Variants in ZNF208 observed in about 807,000 individuals in gnomAD.
The protein encoded by ZNF208 is zinc finger protein 95.
A neutral mutation model predicts 12.1 loss-of-function variants in ZNF208; 10 were observed. The ratio of observed to expected loss-of-function variants is 0.83; its 90% CI spans 0.51 to 1.40. The LOEUF (loss-of-function observed/expected upper bound fraction) is 1.40. Ranked by LOEUF, ZNF208 falls within the 40% of genes most tolerant of loss-of-function variation. The probability of loss-of-function intolerance (pLI) is 0.00; values close to 1 mark genes in which losing one functional copy is unlikely to be tolerated. For missense variants in ZNF208, 1,652 were observed against 1,485.0 expected (o/e 1.11, Z -1.85); for synonymous variants, 497 against 488.4 (o/e 1.02, Z -0.23).
At chr19:21,996,465 T>A (rs1196160372) in intron 1 of ZNF208, among the ~76,000 whole-genome samples, 1 of 152,192 alleles carries the variant, frequency 6.6e-6, no homozygotes, top group Non-Finnish European at 1.5e-5. Context: ...TAGATAAATA[T>A]ATAGCTGAAA....
intron 1 of ZNF208, among the ~76,000 whole-genome samples, chr19:22,005,935 CTCTTT>C (rs1269632204): frequency 6.6e-6 from 1 of 152,030 alleles, no homozygotes; most frequent in African/African-American, 2.4e-5. Flanking sequence ...TTAGATGGTG[CTCTTT>C]TCTTACCTAC....
chr19:21,983,490 TC>T (rs1312376820), intron 3 of ZNF208, among the ~76,000 whole-genome samples: 2 of 152,154 alleles, frequency 1.3e-5, no homozygotes. Context: ...GACCCAGCAA[TC>T]CCATTACTGG....
At chr19:21,990,328 T>G (rs555934695) in intron 1 of ZNF208, among the ~76,000 whole-genome samples, 1 of 152,286 alleles carries the variant, frequency 6.6e-6, no homozygotes, top group East Asian at 1.9e-4. Flanking sequence ...CAGCACCATT[T>G]ATTAAATAAG....
intron 3 of ZNF208, among the ~76,000 whole-genome samples, chr19:21,985,205 C>G (rs1050809908): frequency 1.3e-5 from 2 of 152,010 alleles, no homozygotes; most frequent in Non-Finnish European, 2.9e-5. Context: ...CTCTTAGAAA[C>G]AGATAAAAAC....
chr19:21,969,322 T>C lies in ZNF208; in HGVS notation c.*1869A>G, dbSNP rs570180506. ...TTTGAAGAAAAAAGTATACTTTAAA[T>C]TTAATTATAACTCTTCAAAGATCTA... is the stretch of plus-strand genomic sequence containing the variant. On this transcript the variant is annotated 3_prime_UTR_variant, in exon 4 of 4. Coordinates refer to ENST00000397126, the MANE Select transcript of ZNF208 (RefSeq NM_007153.3). Among the ~76,000 whole-genome samples, 5 of 152,272 alleles carry C rather than the reference T, an allele frequency of 3.3e-5. No homozygotes were observed. The East Asian group carries it at 9.6e-4, about 29-fold the overall frequency.
chr19:21,948,215 C>T (rs1251264526), intron 4 of ZNF208, among the ~76,000 whole-genome samples: 2 of 152,150 alleles, frequency 1.3e-5, no homozygotes, highest in African/African-American at 4.8e-5. Context: ...AACCCTGAAA[C>T]TCTAAAGAAA....
chr19:21,956,650 T>G (rs909266103), intron 4 of ZNF208, among the ~76,000 whole-genome samples: 1 of 152,134 alleles, frequency 6.6e-6, no homozygotes, highest in Non-Finnish European at 1.5e-5. Context: ...GTACTGGATA[T>G]AATCTCCTGG....
intron 4 of ZNF208, among the ~76,000 whole-genome samples, chr19:21,959,411 A>G (rs1970027915): frequency 6.6e-6 from 1 of 152,208 alleles, no homozygotes; most frequent in African/African-American, 2.4e-5. Context: ...AACTTATTTT[A>G]TTAGAAGGCC....
chr19:21,964,644 T>C (rs1478777997), downstream of ZNF208, among the ~76,000 whole-genome samples: 1 of 151,718 alleles, frequency 6.6e-6, no homozygotes, highest in Non-Finnish European at 1.5e-5. Flanking sequence ...GCCACTAGTT[T>C]TAACTTAGAA....
chr19:21,987,688 C>T (rs1184088613), intron 2 of ZNF208, among the ~76,000 whole-genome samples: 2 of 152,182 alleles, frequency 1.3e-5, no homozygotes, highest in East Asian at 3.9e-4. Context: ...CCAACAGCTG[C>T]TCTCCGGTAA....
chr19:21,997,948 G>GA (rs1172917884), intron 1 of ZNF208: 1 of 151,870 alleles, frequency 6.6e-6, no homozygotes, highest in African/African-American at 2.4e-5. Context: ...TATGTTGAGA[G>GA]AAAAAAGTTA....
At position 21,970,833 on chromosome 19, in the gene ZNF208, G is replaced by A. The variant is rs1568442164; in HGVS notation, c.*358C>T. 2 of 1,487,690 alleles carry A rather than the reference G, an allele frequency of 1.3e-6. No individual in the cohort carries two copies. Among genetic ancestry groups the A allele is most frequent in the South Asian group, 2.3e-5 (2 of 87,876 alleles). The allele number at this position is 1,487,690 out of a possible 1,614,324, so 92.2% of individuals were successfully genotyped here. On this transcript the variant is annotated 3_prime_UTR_variant, in exon 4 of 4. Transcript: ENST00000397126. Reference sequence around the variant, plus strand: ...ACTAAAGACTGAGAACCAGCTGAAGGCTTTGCCACTTTCTTCACATTTGTA... The same window carrying A: ...ACTAAAGACTGAGAACCAGCTGAAGACTTTGCCACTTTCTTCACATTTGTA...
intron 2 of ZNF208, 125 bp from the exon 3 acceptor site, chr19:21,987,436 T>C: frequency 4.7e-6 from 5 of 1,069,730 alleles, no homozygotes; most frequent in Non-Finnish European, 6.2e-6. Context: ...TACTAAATTA[T>C]AATAAGTTGG....
chr19:21,992,577 A>G (rs1451061591), intron 1 of ZNF208, among the ~76,000 whole-genome samples: 4 of 152,206 alleles, frequency 2.6e-5, no homozygotes, highest in African/African-American at 4.8e-5. Flanking sequence ...CCACAACATT[A>G]TATGTTCTGT....
chr19:21,982,330 C>T (rs1457530416), intron 3 of ZNF208, among the ~76,000 whole-genome samples: 2 of 145,392 alleles, frequency 1.4e-5, no homozygotes, highest in African/African-American at 2.6e-5. Flanking sequence ...TGCACTTCAG[C>T]CTGGGTGATA....
downstream of ZNF208, chr19:21,965,864 ATAGTG>A (rs1348372136): frequency 6.6e-6 from 1 of 152,046 alleles, no homozygotes. Context: ...AATTAAGTCT[ATAGTG>A]TAGTGTACAG....
At chr19:21,995,163 G>A (rs943266171) in intron 1 of ZNF208, among the ~76,000 whole-genome samples, 1 of 152,038 alleles carries the variant, frequency 6.6e-6, no homozygotes, top group Admixed American at 6.5e-5. Context: ...TGTTGGCCAG[G>A]CTGGTCTCGA....
chr19:21,982,394 C>T (rs910403502), intron 3 of ZNF208, among the ~76,000 whole-genome samples: 5 of 150,338 alleles, frequency 3.3e-5, no homozygotes, highest in Admixed American at 6.6e-5. Context: ...ATTCCATGCT[C>T]GTGCATAGAA....
At chr19:21,977,620 G>A (rs1568447378) in intron 3 of ZNF208, among the ~76,000 whole-genome samples, 2 of 152,172 alleles carry the variant, frequency 1.3e-5, no homozygotes, top group African/African-American at 4.8e-5. Flanking sequence ...TGACACCAGG[G>A]CCCTGGGTTT....
Sources: allele counts gnomAD v4.1 joint callset (sites outside exome capture counted in the v4.1 genomes callset), GRCh38; gene constraint gnomAD v4.1.1; transcripts MANE v1.5; gene names NCBI Gene and HGNC (gene_info 2026-07-23, HGNC 2026-07-21).